The following EPHA4 variants were observed in gnomAD, a reference collection of about 807,000 sequenced individuals.
EPHA4 encodes the protein EPH receptor A4, also known as ephrin type-A receptor 4.
Under a neutral mutation model 108.3 loss-of-function variants are expected in EPHA4, and 19 were observed. That is an observed-to-expected ratio of 0.18 (90% CI 0.12 to 0.26). The LOEUF (loss-of-function observed/expected upper bound fraction) is 0.26. Ranked by LOEUF, EPHA4 falls within the 10% of genes least tolerant of loss-of-function variation. EPHA4 has a pLI of 1.00. For synonymous variants in EPHA4, 449 were observed against 455.5 expected (o/e 0.99, Z 0.18); for missense variants, 917 against 1,254.0 (o/e 0.73, Z 4.06).
At chr2:221,494,662 C>A (rs1040936541) in intron 4 of EPHA4, among the ~76,000 whole-genome samples, 1 of 152,102 alleles carries the variant, frequency 6.6e-6, no homozygotes, top group Non-Finnish European at 1.5e-5. Flanking sequence ...GATTTAGCTT[C>A]CCAGTGGGGG....
chr2:221,489,041 G>A lies in EPHA4; in HGVS notation c.980-6351C>T, dbSNP rs62180588. Among the ~76,000 whole-genome samples the A allele has an allele frequency of 5.3e-3, 805 of 152,256 alleles. 6 individuals are homozygous for A. Among genetic ancestry groups the A allele is most frequent in the Non-Finnish European group, 8.7e-3 (594 of 68,018 alleles). ...TGAAATCTGTGTGAGCCTTAATAAT[G>A]TCATTTAAAAGCCGTCAGCCAACAC... is the stretch of plus-strand genomic sequence containing the variant. On this transcript the variant is annotated intron_variant, in intron 4 of 17. Coordinates refer to ENST00000281821, the MANE Select transcript of EPHA4 (RefSeq NM_004438.5).
chr2:221,558,127 T>A (rs941361356), intron 3 of EPHA4, among the ~76,000 whole-genome samples: 1 of 152,224 alleles, frequency 6.6e-6, no homozygotes, highest in African/African-American at 2.4e-5. Context: ...CAGCGATATC[T>A]ATGACAGTCA....
At chr2:221,547,052 C>T (rs868298668) in intron 3 of EPHA4, among the ~76,000 whole-genome samples, 2 of 152,146 alleles carry the variant, frequency 1.3e-5, no homozygotes, top group African/African-American at 2.4e-5. Flanking sequence ...GGTAGCAATA[C>T]AACAGGGGAA....
At chr2:221,444,597 A>C (rs891802504) in intron 9 of EPHA4, among the ~76,000 whole-genome samples, 1 of 152,120 alleles carries the variant, frequency 6.6e-6, no homozygotes, top group African/African-American at 2.4e-5. Context: ...TCCATGTAAA[A>C]ATTTAAAAAA....
intron 8 of EPHA4, among the ~76,000 whole-genome samples, chr2:221,448,257 G>A (rs975180642): frequency 7.2e-6 from 1 of 139,258 alleles, no homozygotes; most frequent in Admixed American, 7.2e-5. Flanking sequence ...TGGGGGGTGG[G>A]GAGCAAGAGG....
chr2:221,433,378 C>A (rs1472972233), intron 14 of EPHA4, among the ~76,000 whole-genome samples: 1 of 152,112 alleles, frequency 6.6e-6, no homozygotes, highest in African/African-American at 2.4e-5. Context: ...TAGGAAAGTT[C>A]GAAAAGTATA....
At chr2:221,530,901 C>A (rs75843691) in intron 3 of EPHA4, among the ~76,000 whole-genome samples, 2 of 152,200 alleles carry the variant, frequency 1.3e-5, no homozygotes, top group East Asian at 1.9e-4. Context: ...CCACCTCCCC[C>A]TCCAAGTACC....
intron 3 of EPHA4, among the ~76,000 whole-genome samples, chr2:221,558,897 T>C (rs890813541): frequency 3.3e-5 from 5 of 152,366 alleles, no homozygotes; most frequent in African/African-American, 7.2e-5. Context: ...TGATTCTTAA[T>C]GATACGATTC....
At chr2:221,516,401 C>T (rs941329519) in intron 3 of EPHA4, among the ~76,000 whole-genome samples, 8 of 139,488 alleles carry the variant, frequency 5.7e-5, no homozygotes, top group African/African-American at 1.9e-4. Context: ...GTCCTGTAGG[C>T]TGGAGTGCAG....
intron 3 of EPHA4, among the ~76,000 whole-genome samples, chr2:221,526,852 C>CAAAAAAAAAAAAAAA (rs528335766): frequency 8.2e-5 from 4 of 48,618 alleles, no homozygotes; most frequent in African/African-American, 3.3e-4. Context: ...GACTCGGCCT[C>CAAAAAAAAAAAAAAA]AAAAAAAAAA....
chr2:221,535,652 C>G (rs1693648622), intron 3 of EPHA4, among the ~76,000 whole-genome samples: 1 of 152,162 alleles, frequency 6.6e-6, no homozygotes, highest in African/African-American at 2.4e-5. Context: ...AGACAATCAT[C>G]CTTTAAATAT....
chr2:221,537,107 C>T (rs1693695878), intron 3 of EPHA4, among the ~76,000 whole-genome samples: 1 of 152,182 alleles, frequency 6.6e-6, no homozygotes, highest in African/African-American at 2.4e-5. Context: ...TCATTCCTTT[C>T]AATAACAACT....
At chr2:221,513,195 A>G (rs1011801069) in intron 3 of EPHA4, among the ~76,000 whole-genome samples, 6 of 152,222 alleles carry the variant, frequency 3.9e-5, no homozygotes, top group Admixed American at 6.5e-5. Context: ...CTTTTGAGGG[A>G]GAGCACAGTC....
intron 3 of EPHA4, among the ~76,000 whole-genome samples, chr2:221,536,325 G>T (rs1385441496): frequency 6.6e-6 from 1 of 152,186 alleles, no homozygotes; most frequent in Non-Finnish European, 1.5e-5. Flanking sequence ...TTCCTCTAAA[G>T]ATTATAAGCC....
intron 2 of EPHA4, among the ~76,000 whole-genome samples, chr2:221,568,101 C>T (rs1694723904): frequency 6.6e-6 from 1 of 152,190 alleles, no homozygotes; most frequent in Admixed American, 6.5e-5. Flanking sequence ...ATAATCCAGA[C>T]TACTCAATCC....
chr2:221,462,482 G>A (rs1461093509), intron 5 of EPHA4, among the ~76,000 whole-genome samples: 1 of 151,818 alleles, frequency 6.6e-6, no homozygotes, highest in Non-Finnish European at 1.5e-5. Flanking sequence ...TGCATTCAGT[G>A]GTGCTCAATA....
rs186846093 is a variant in EPHA4, at chr2:221,487,151, A to G, written c.980-4461T>C. 1.3e-3 allele frequency among the ~76,000 whole-genome samples: 192 copies of G among 152,268 alleles called. 1 individual carries two copies. Among genetic ancestry groups the G allele is most frequent in the African/African-American group, 4.4e-3 (181 of 41,560 alleles). ...TCATTCATTTATTCAAAAAACATTT[A>G]TGGTGTATCTAGTGTTTATCACCTG... is the stretch of plus-strand genomic sequence containing the variant. On this transcript the variant is annotated intron_variant, in intron 4 of 17. Coordinates refer to ENST00000281821, the MANE Select transcript of EPHA4 (RefSeq NM_004438.5).
chr2:221,438,025 C>T (rs944390401), intron 11 of EPHA4, among the ~76,000 whole-genome samples: 2 of 152,158 alleles, frequency 1.3e-5, no homozygotes, highest in Admixed American at 1.3e-4. Flanking sequence ...TATGAATAAA[C>T]TTGCTTTGGT....
intron 3 of EPHA4, among the ~76,000 whole-genome samples, chr2:221,525,901 C>T (rs1022158418): frequency 8.0e-5 from 12 of 150,084 alleles, no homozygotes; most frequent in African/African-American, 3.0e-4. Context: ...TTTTATAACT[C>T]TCTATTAGAT....
Sources: allele counts gnomAD v4.1 joint callset (sites outside exome capture counted in the v4.1 genomes callset), GRCh38; gene constraint gnomAD v4.1.1; transcripts MANE v1.5; gene names NCBI Gene and HGNC (gene_info 2026-07-23, HGNC 2026-07-21).